CMIP: variants seen among roughly 807,000 people sequenced by gnomAD.
CMIP encodes the protein c-Maf inducing protein.
In CMIP, 13 loss-of-function variants were observed where a neutral mutation model predicts 97.3. The ratio of observed to expected loss-of-function variants is 0.13; its 90% CI spans 0.09 to 0.21. The LOEUF (loss-of-function observed/expected upper bound fraction) is 0.21. Ranked by LOEUF, CMIP falls within the 10% of genes least tolerant of loss-of-function variation. The pLI, the probability that CMIP is intolerant of heterozygous loss-of-function variation, is 1.00. For missense variants in CMIP, 847 were observed against 1,024.9 expected (o/e 0.83, Z 2.37); for synonymous variants, 538 against 436.3 (o/e 1.23, Z -2.91).
intron 2 of CMIP, among the ~76,000 whole-genome samples, chr16:81,611,968 C>T (rs1489190083): frequency 6.6e-6 from 1 of 152,200 alleles, no homozygotes; most frequent in Non-Finnish European, 1.5e-5. Context: ...GTTTTGGATG[C>T]TTTGTGTTTT....
In CMIP at chr16:81,607,626, G is replaced by C; in HGVS notation, c.360G>C (p.Leu120=). 6.2e-7 allele frequency: 1 copy of C among 1,614,044 alleles called. No homozygotes were observed. The highest frequency in any genetic ancestry group is 8.5e-7 in the Non-Finnish European group (1 of 1,179,888). The part of the protein sequence containing the change: ...SYSAIEDVQL[L]SWENAPKYCL... ...GCGCAATTGAAGACGTTCAGCTGCTGTCCTGGGAGAATGCCCCGAAGTACT... is the reference window on the plus strand; with the variant it reads ...GCGCAATTGAAGACGTTCAGCTGCTCTCCTGGGAGAATGCCCCGAAGTACT... Residue 120 remains leucine, a synonymous_variant, in exon 2 of 21, where the codon CTG becomes CTC. Coordinates refer to ENST00000537098, the MANE Select transcript of CMIP (RefSeq NM_198390.3).
intron 1 of CMIP, among the ~76,000 whole-genome samples, chr16:81,586,754 G>A (rs1481979529): frequency 6.6e-6 from 1 of 152,120 alleles, no homozygotes; most frequent in Non-Finnish European, 1.5e-5. Flanking sequence ...ACATACACAT[G>A]GAATTCTACT....
At chr16:81,555,298 G>T (rs186403290) in intron 1 of CMIP, among the ~76,000 whole-genome samples, 1 of 152,282 alleles carries the variant, frequency 6.6e-6, no homozygotes, top group South Asian at 2.1e-4. Flanking sequence ...CCCTGAGTGG[G>T]TCACCATAGC....
chr16:81,705,871 C>T (rs1908080559), intron 19 of CMIP, among the ~76,000 whole-genome samples: 1 of 152,238 alleles, frequency 6.6e-6, no homozygotes, highest in Non-Finnish European at 1.5e-5. Flanking sequence ...AGCCTCTTGA[C>T]ACTCACAGTC....
rs1017495236 is a variant in CMIP, at chr16:81,512,925, T to C, written c.300+67384T>C. ...CTAATTTTTGCATTTTTAGTAGAAA[T>C]GGGGTTTCTCCATGTTGCCCAAGCT... On this transcript the variant is annotated intron_variant, in intron 1 of 20. Transcript: ENST00000537098. Among the ~76,000 whole-genome samples the C allele has an allele frequency of 4.6e-5, 7 of 152,104 alleles. No individual in the cohort carries two copies. The East Asian group carries it at 1.3e-3, about 29-fold the overall frequency.
chr16:81,702,604 G>A lies in CMIP; in HGVS notation c.1897-18G>A, dbSNP rs1398305940. On this transcript the variant is annotated intron_variant, in intron 16 of 20. Transcript: ENST00000537098. ...TTGGGGAAAAGAATGGTTGTAACCA[G>A]CCTGGTTTCTGTTGCAGCAAAGGAA... The A allele has an allele frequency of 1.2e-6, 2 of 1,612,078 alleles. No individual in the cohort carries two copies. Among genetic ancestry groups the A allele is most frequent in the Admixed American group, 3.3e-5 (2 of 59,734 alleles).
intron 1 of CMIP, among the ~76,000 whole-genome samples, chr16:81,585,229 C>G (rs56310895): frequency 0.075 from 11,390 of 152,250 alleles, 918 homozygotes; most frequent in African/African-American, 0.2. Context: ...GTAATCCCAG[C>G]TACTCAGGAG....
intron 1 of CMIP, among the ~76,000 whole-genome samples, chr16:81,501,611 T>C (rs78008547): frequency 6.7e-6 from 1 of 148,922 alleles, no homozygotes; most frequent in Non-Finnish European, 1.5e-5. Flanking sequence ...TCTGGTTCTT[T>C]TTTTTTTTTT....
At chr16:81,671,600 G>T (rs1327754036) in intron 8 of CMIP, among the ~76,000 whole-genome samples, 1 of 152,216 alleles carries the variant, frequency 6.6e-6, no homozygotes, top group Non-Finnish European at 1.5e-5. Flanking sequence ...AGGTCTCTCT[G>T]TGAATTAGAA....
chr16:81,584,754 T>A (rs914552489), intron 1 of CMIP, among the ~76,000 whole-genome samples: 2 of 152,210 alleles, frequency 1.3e-5, no homozygotes, highest in East Asian at 3.8e-4. Context: ...TGTTCTTGAA[T>A]TGGCCTCTGG....
intron 1 of CMIP, among the ~76,000 whole-genome samples, chr16:81,555,101 G>A (rs1003536103): frequency 6.6e-6 from 1 of 152,154 alleles, no homozygotes; most frequent in Non-Finnish European, 1.5e-5. Context: ...CACACGCAAG[G>A]CCTCATCTCG....
intron 1 of CMIP, among the ~76,000 whole-genome samples, chr16:81,456,209 T>C (rs929147667): frequency 6.6e-6 from 1 of 152,222 alleles, no homozygotes; most frequent in African/African-American, 2.4e-5. Flanking sequence ...CAGAGCCAGA[T>C]GATAGTCATG....
At chr16:81,464,762 C>T (rs1907100796) in intron 1 of CMIP, 1 of 152,228 alleles carries the variant, frequency 6.6e-6, no homozygotes, top group Non-Finnish European at 1.5e-5. Flanking sequence ...CTTGCTGTCT[C>T]TATGAGTTTG....
intron 1 of CMIP, among the ~76,000 whole-genome samples, chr16:81,451,214 G>A (rs1041546069): frequency 4.6e-5 from 7 of 152,276 alleles, no homozygotes; most frequent in South Asian, 4.1e-4. Context: ...CTCATGGGGC[G>A]CTTTCCCCCA....
At position 81,670,198 on chromosome 16, in the gene CMIP, G is replaced by T. The variant is rs2092668778; in HGVS notation, c.882G>T (p.Leu294Phe). The change falls in exon 8 of 21, where the codon TTG becomes TTT. Residue 294 changes from leucine to phenylalanine, a missense_variant. Transcript: ENST00000537098. ...RLFTQEYILA[L>F]NELNAGMEVV... is the part of the protein sequence containing the mutation. The stretch of plus-strand genomic sequence containing the variant: ...TTACTCAGGAGTACATCCTTGCCTT[G>T]AACGAGCTCAACGCGGGGATGGAAG... 1 of 1,611,950 alleles carries T rather than the reference G, an allele frequency of 6.2e-7. No homozygotes were observed. Among genetic ancestry groups the T allele is most frequent in the Non-Finnish European group, 8.5e-7 (1 of 1,179,168 alleles).
chr16:81,564,400 A>G (rs1424189673), intron 1 of CMIP, among the ~76,000 whole-genome samples: 1 of 152,232 alleles, frequency 6.6e-6, no homozygotes, highest in African/African-American at 2.4e-5. Context: ...TGTGTTATAC[A>G]TGTAATGGTC....
chr16:81,687,502 C>G (rs921967737), intron 10 of CMIP, among the ~76,000 whole-genome samples: 2 of 152,172 alleles, frequency 1.3e-5, no homozygotes, highest in Non-Finnish European at 2.9e-5. Context: ...GGTGGGGGAA[C>G]TGGTTATAAA....
Position 81,693,496 on chromosome 16 carries a change from T to C in CMIP, c.1530+9T>C. 1 of 1,610,274 alleles carries C rather than the reference T, an allele frequency of 6.2e-7. No homozygotes were observed. The highest frequency in any genetic ancestry group is 8.5e-7 in the Non-Finnish European group (1 of 1,177,750). Reference sequence around the variant, plus strand: ...AAGACCCCAGGCAAGAGGTGAGGCCTTTGTTTCTGCATCTCAGGCCGGCTG... The same window carrying C: ...AAGACCCCAGGCAAGAGGTGAGGCCCTTGTTTCTGCATCTCAGGCCGGCTG... On this transcript the variant is annotated intron_variant, in intron 13 of 20. Coordinates refer to ENST00000537098, the MANE Select transcript of CMIP (RefSeq NM_198390.3).
At chr16:81,579,808 TAGCTGGGCGTGGTGGCGGACG>T (rs2091264919) in intron 1 of CMIP, among the ~76,000 whole-genome samples, 2 of 151,994 alleles carry the variant, frequency 1.3e-5, no homozygotes. Context: ...ACAAAAAAAT[TAGCTGGGCGTGGTGGCGGACG>T]CCTGTAGTCC....
Sources: gnomAD v4.1 joint callset for allele counts (sites outside exome capture counted in the v4.1 genomes callset) on GRCh38, gnomAD v4.1.1 for gene constraint, MANE v1.5 for transcripts, NCBI Gene and HGNC (gene_info 2026-07-23, HGNC 2026-07-21) for gene names.